Variants in CDH10 observed in about 807,000 individuals in gnomAD.
CDH10 encodes cadherin 10, also known as cadherin-10.
A neutral mutation model predicts 73.1 loss-of-function variants in CDH10; 30 were observed. The observed-to-expected ratio is 0.41, with a 90% CI of 0.31 to 0.56. The LOEUF (loss-of-function observed/expected upper bound fraction) is 0.56. Ranked by LOEUF, CDH10 falls within the 20% of genes least tolerant of loss-of-function variation. The pLI is 0.27. For missense variants in CDH10, 815 were observed against 973.7 expected (o/e 0.84, Z 2.17); for synonymous variants, 345 against 348.2 (o/e 0.99, Z 0.10).
chr5:24,512,346 T>G (rs1039568725), intron 5 of CDH10, among the ~76,000 whole-genome samples: 1 of 152,208 alleles, frequency 6.6e-6, no homozygotes, highest in Admixed American at 6.5e-5. Context: ...TGAGGGCAGA[T>G]ATGTATTTAT....
chr5:24,498,902 A>T (rs539910248), intron 8 of CDH10, among the ~76,000 whole-genome samples: 1 of 152,228 alleles, frequency 6.6e-6, no homozygotes, highest in South Asian at 2.1e-4. Context: ...ATGAAGAAAT[A>T]GTTTTTTTTG....
chr5:24,503,767 T>C (rs1054502419), intron 8 of CDH10, among the ~76,000 whole-genome samples: 1 of 152,186 alleles, frequency 6.6e-6, no homozygotes, highest in African/African-American at 2.4e-5. Flanking sequence ...CTCTGTTAAA[T>C]GAGGTTAATA....
chr5:24,583,073 A>T (rs1745861783), intron 2 of CDH10, among the ~76,000 whole-genome samples: 2 of 152,108 alleles, frequency 1.3e-5, no homozygotes, highest in South Asian at 4.1e-4. Flanking sequence ...TTTTAAAAAA[A>T]CTAAACGTCC....
chr5:24,615,732 C>T (rs556673510), intron 1 of CDH10, among the ~76,000 whole-genome samples: 8 of 152,296 alleles, frequency 5.3e-5, no homozygotes, highest in African/African-American at 1.9e-4. Flanking sequence ...AGGATTCTTA[C>T]TGCCATGCCT....
intron 1 of CDH10, among the ~76,000 whole-genome samples, chr5:24,624,687 A>T (rs897083993): frequency 2.6e-5 from 4 of 152,264 alleles, no homozygotes; most frequent in African/African-American, 9.6e-5. Context: ...GTTTGATGAA[A>T]GCAAACTAAA....
chr5:24,505,793 G>A (rs988997909), intron 7 of CDH10, among the ~76,000 whole-genome samples: 1 of 152,126 alleles, frequency 6.6e-6, no homozygotes, highest in Non-Finnish European at 1.5e-5. Context: ...TACACATATT[G>A]CTTTTAACTT....
chr5:24,515,762 T>C (rs545375438), intron 5 of CDH10, among the ~76,000 whole-genome samples: 80 of 152,292 alleles, frequency 5.3e-4, no homozygotes, highest in Middle Eastern at 3.4e-3. Flanking sequence ...AATCTCATCT[T>C]GAATTGTAGC....
At chr5:24,548,874 G>C (rs1300094097) in intron 2 of CDH10, among the ~76,000 whole-genome samples, 2 of 152,022 alleles carry the variant, frequency 1.3e-5, no homozygotes, top group African/African-American at 4.8e-5. Context: ...AGTAGAGATA[G>C]AGAGAAACCA....
At chr5:24,615,853 A>T (rs1055867019) in intron 1 of CDH10, among the ~76,000 whole-genome samples, 23 of 152,210 alleles carry the variant, frequency 1.5e-4, no homozygotes, top group Non-Finnish European at 2.8e-4. Flanking sequence ...AGGCATGAGG[A>T]GGTCCTTACT....
chr5:24,594,647 T>G (rs1366085030), intron 1 of CDH10, among the ~76,000 whole-genome samples: 2 of 151,934 alleles, frequency 1.3e-5, no homozygotes, highest in African/African-American at 4.8e-5. Flanking sequence ...GCTCCCTTCC[T>G]TAACCAGCAA....
chr5:24,503,413 C>A (rs1372942852), intron 8 of CDH10, among the ~76,000 whole-genome samples: 1 of 152,144 alleles, frequency 6.6e-6, no homozygotes, highest in East Asian at 1.9e-4. Flanking sequence ...GCAGGGCTGG[C>A]TTCATGGGCC....
chr5:24,492,579 A>G (rs918113813), intron 10 of CDH10, among the ~76,000 whole-genome samples: 3 of 152,170 alleles, frequency 2.0e-5, no homozygotes, highest in East Asian at 1.9e-4. Flanking sequence ...TCTTATCAAG[A>G]CACAATCATT....
chr5:24,592,013 C>T (rs146708293), intron 2 of CDH10, among the ~76,000 whole-genome samples: 23 of 151,946 alleles, frequency 1.5e-4, no homozygotes, highest in African/African-American at 5.1e-4. Context: ...TATTCCCAGG[C>T]TTTAAATCAA....
chr5:24,554,746 C>T (rs941376071), intron 2 of CDH10, among the ~76,000 whole-genome samples: 1 of 151,992 alleles, frequency 6.6e-6, no homozygotes, highest in Non-Finnish European at 1.5e-5. Flanking sequence ...AAGATCTTAT[C>T]CTTGTGGTTT....
chr5:24,628,668 C>T (rs1440961500), intron 1 of CDH10, among the ~76,000 whole-genome samples: 2 of 152,076 alleles, frequency 1.3e-5, no homozygotes, highest in Non-Finnish European at 2.9e-5. Flanking sequence ...TAAACTTTTT[C>T]ATTATGTCTG....
intron 2 of CDH10, among the ~76,000 whole-genome samples, chr5:24,582,002 C>G (rs1241762884): frequency 1.4e-4 from 22 of 152,094 alleles, no homozygotes; most frequent in Admixed American, 1.4e-3. Context: ...TCATTCACTG[C>G]TGGTGGAAGT....
In CDH10 at chr5:24,505,266, G is replaced by T; in HGVS notation, c.1257-18C>A. 1 of 1,605,558 alleles carries T rather than the reference G, an allele frequency of 6.2e-7. No homozygotes were observed. The highest frequency in any genetic ancestry group is 8.5e-7 in the Non-Finnish European group (1 of 1,173,860). On this transcript the variant is annotated intron_variant, in intron 7 of 11. Transcript: ENST00000264463. ...AGGAAAATCTGAACATGGAGGGCAA[G>T]AAAAAATACATGGCAGCATTATTAA...
rs182545822 is a variant in CDH10, at chr5:24,569,574, A to G, written c.231+23686T>C. ...CATAAAAATAATGGGTTTTCCTCCA[A>G]ATCAGTAATTTCCAAAATAATCTGT... On this transcript the variant is annotated intron_variant, in intron 2 of 11. Transcript: ENST00000264463. 1.0e-3 allele frequency among the ~76,000 whole-genome samples: 153 copies of G among 152,320 alleles called. 1 individual carries two copies. Among genetic ancestry groups the G allele is most frequent in the African/African-American group, 3.5e-3 (147 of 41,562 alleles).
At chr5:24,585,624 A>G (rs907684351) in intron 2 of CDH10, among the ~76,000 whole-genome samples, 7 of 152,068 alleles carry the variant, frequency 4.6e-5, no homozygotes, top group Non-Finnish European at 8.8e-5. Context: ...GGGTTTCACC[A>G]TATTGTCCAG....
Sources: allele counts gnomAD v4.1 joint callset (sites outside exome capture counted in the v4.1 genomes callset), GRCh38; gene constraint gnomAD v4.1.1; transcripts MANE v1.5; gene names NCBI Gene and HGNC (gene_info 2026-07-23, HGNC 2026-07-21).